The following XPO6 variants were observed in gnomAD, a reference collection of about 807,000 sequenced individuals.
The protein encoded by XPO6 is exportin-6.
In XPO6, 3 loss-of-function variants were observed where a neutral mutation model predicts 130.0. That is an observed-to-expected ratio of 0.02 (90% CI 0.01 to 0.06). The LOEUF (loss-of-function observed/expected upper bound fraction) is 0.06, where lower values mean the gene tolerates loss of function less well. Ranked by LOEUF, XPO6 falls within the 10% of genes least tolerant of loss-of-function variation. XPO6 has a pLI of 1.00. For missense variants in XPO6, 970 were observed against 1,393.0 expected, an observed-to-expected ratio of 0.70 and a Z score of 4.83; for synonymous variants, 524 against 548.9, an observed-to-expected ratio of 0.95 and a Z score of 0.63.
At chr16:28,166,688 T>C (rs2141845465) in intron 5 of XPO6, 103 bp from the exon 6 acceptor site, 5 of 1,519,522 alleles carry the variant, frequency 3.3e-6, no homozygotes, top group African/African-American at 1.4e-5. Flanking sequence ...ACATGAGTAC[T>C]TGAACATCCC....
Position 28,098,405 on chromosome 16 carries a change from G to A in XPO6, c.*133C>T. On this transcript the variant is annotated 3_prime_UTR_variant, in exon 24 of 24. Coordinates refer to ENST00000304658, the MANE Select transcript of XPO6 (RefSeq NM_015171.4). ...CGGCAAGATGTGGAGGAGCGGCAGA[G>A]GCAGGCAGCGTTGCTTGCGGTGGGA... 1 of 734,800 alleles carries A rather than the reference G, an allele frequency of 1.4e-6. No homozygotes were observed. The highest frequency in any genetic ancestry group is 2.2e-6 in the Non-Finnish European group (1 of 444,950). The allele number at this position is 734,800 out of a possible 1,614,324, so 45.5% of individuals were successfully genotyped here. A position where few individuals can be genotyped will look rare whatever the true frequency, so the allele number is the denominator to read the frequency against.
rs140243043 is a variant in XPO6, at chr16:28,149,913, A to G, written c.1224+2746T>C. Among the ~76,000 whole-genome samples, 49 of 152,372 alleles carry G rather than the reference A, an allele frequency of 3.2e-4. No individual in the cohort carries two copies. The East Asian group carries it at 8.7e-3, about 27-fold the overall frequency. On this transcript the variant is annotated intron_variant, in intron 8 of 23. Transcript: ENST00000304658. ...ACAGGTAATAAAGCTATGAGAGAGT[A>G]AGATCATACTTGTTAGTGAACAGAT...
At chr16:28,164,650 G>A (rs1331888069) in intron 6 of XPO6, among the ~76,000 whole-genome samples, 2 of 152,198 alleles carry the variant, frequency 1.3e-5, no homozygotes, top group African/African-American at 2.4e-5. Flanking sequence ...ACAAGCAAAT[G>A]TCAAGTTAGT....
In XPO6 at chr16:28,156,307, C is replaced by T; in HGVS notation, c.864G>A (p.Lys288=). 2 of 1,614,104 alleles carry T rather than the reference C, an allele frequency of 1.2e-6. No homozygotes were observed. Among genetic ancestry groups the T allele is most frequent in the Non-Finnish European group, 1.7e-6 (2 of 1,180,022 alleles). The change falls in exon 7 of 24, where the codon AAG becomes AAA. Residue 288 remains lysine, a synonymous_variant. Transcript: ENST00000304658. ...ARFGCDIRAR[K]MASVNGSSQN... is the part of the protein sequence containing the mutation. The stretch of plus-strand genomic sequence containing the variant: ...GGCTGCTGCCGTTAACTGACGCCAT[C>T]TTTCTGGCCCGGATGTCACAGCCAA...
chr16:28,128,938 C>T (rs2042614064), intron 12 of XPO6, among the ~76,000 whole-genome samples: 1 of 152,182 alleles, frequency 6.6e-6, no homozygotes, highest in Non-Finnish European at 1.5e-5. Context: ...CTGATCCCTC[C>T]CCTCTGAACT....
intron 8 of XPO6, among the ~76,000 whole-genome samples, chr16:28,149,045 A>G (rs1376171963): frequency 5.5e-5 from 8 of 145,288 alleles, no homozygotes; most frequent in Non-Finnish European, 1.2e-4. Context: ...TCTGTCTCCA[A>G]AAAAAAAGAA....
At chr16:28,175,826 T>C in intron 4 of XPO6, 72 bp downstream of exon 4, 1 of 1,437,270 alleles carries the variant, frequency 7.0e-7, no homozygotes, top group Non-Finnish European at 9.7e-7. Flanking sequence ...AAAGTCCTCT[T>C]CAGGACAAGG....
In XPO6 at chr16:28,211,817, G is replaced by A. The variant is rs2044138327; in HGVS notation, c.-449C>T. On this transcript the variant is annotated 5_prime_UTR_variant, in exon 1 of 24. Coordinates refer to ENST00000304658, the MANE Select transcript of XPO6 (RefSeq NM_015171.4). The stretch of plus-strand genomic sequence containing the variant: ...CGGCCCAGGCGGCCGGCTCAGGGGA[G>A]AGGCCCGGGGGCCCGCGCTGTCCTC... The A allele has an allele frequency of 8.9e-6, 2 of 225,534 alleles. No homozygotes were observed. The highest frequency in any genetic ancestry group is 3.6e-4 in the South Asian group (2 of 5,492). The allele number at this position is 225,534 out of a possible 1,614,324, so 14.0% of individuals were successfully genotyped here. A position where few individuals can be genotyped will look rare whatever the true frequency, so the allele number is the denominator to read the frequency against.
Position 28,175,937 on chromosome 16 carries a change from C to A in XPO6, c.366G>T (p.Trp122Cys). 1 of 1,614,134 alleles carries A rather than the reference C, an allele frequency of 6.2e-7. No individual in the cohort carries two copies. The highest frequency in any genetic ancestry group is 8.5e-7 in the Non-Finnish European group (1 of 1,180,014). The change falls in exon 4 of 24, where the codon TGG (tryptophan) becomes TGT (cysteine). Residue 122 changes from tryptophan (W) to cysteine (C), a missense_variant. Coordinates refer to ENST00000304658, the MANE Select transcript of XPO6 (RefSeq NM_015171.4). Reference sequence around the variant, plus strand: ...TAAAAAAGTCGTGGTAGAACATGGGCCAATCCTGACGTCCAATATCAACAA... The same window carrying A: ...TAAAAAAGTCGTGGTAGAACATGGGACAATCCTGACGTCCAATATCAACAA... ...KVIVDIGRQD[W>C]PMFYHDFFTN...
At chr16:28,151,109 C>A (rs2043078758) in intron 8 of XPO6, among the ~76,000 whole-genome samples, 1 of 142,952 alleles carries the variant, frequency 7.0e-6, no homozygotes, top group South Asian at 2.3e-4. Context: ...TGCTCCAAGT[C>A]ATATACACAA....
At chr16:28,136,283 A>T (rs187040952) in intron 9 of XPO6, among the ~76,000 whole-genome samples, 1 of 152,276 alleles carries the variant, frequency 6.6e-6, no homozygotes, top group East Asian at 1.9e-4. Context: ...GCAACGGCGC[A>T]ATCTTGGCTC....
chr16:28,111,539 T>C (rs1054501590), intron 17 of XPO6: 2 of 349,248 alleles, frequency 5.7e-6, no homozygotes, highest in African/African-American at 2.1e-5. Flanking sequence ...GAAGGCACCA[T>C]CACCAGTGTC....
chr16:28,107,814 T>G, intron 17 of XPO6, 137 bp from the exon 18 acceptor site: 14 of 937,674 alleles, frequency 1.5e-5, no homozygotes, highest in African/African-American at 3.3e-5. Flanking sequence ...GAACAGTCTC[T>G]TGATTACAAT....
At chr16:28,195,626 G>A (rs1423269629) in intron 1 of XPO6, among the ~76,000 whole-genome samples, 2 of 152,176 alleles carry the variant, frequency 1.3e-5, no homozygotes, top group Non-Finnish European at 1.5e-5. Flanking sequence ...GGTGGCGTGA[G>A]CCTGTAGTAC....
intron 4 of XPO6, among the ~76,000 whole-genome samples, chr16:28,173,738 G>A (rs73525043): frequency 0.016 from 2,370 of 152,282 alleles, 60 homozygotes; most frequent in African/African-American, 0.055. Flanking sequence ...GGTTGAAAGC[G>A]GGAGGTGGTG....
chr16:28,115,667 CT>C (rs1264518399), intron 15 of XPO6, among the ~76,000 whole-genome samples: 3 of 152,120 alleles, frequency 2.0e-5, no homozygotes, highest in Non-Finnish European at 4.4e-5. Context: ...CAGTTGCCCC[CT>C]GACAAGAGAG....
chr16:28,175,148 T>C (rs571284527), intron 4 of XPO6, among the ~76,000 whole-genome samples: 1 of 152,140 alleles, frequency 6.6e-6, no homozygotes, highest in African/African-American at 2.4e-5. Flanking sequence ...GATTCCTCCC[T>C]TCTCTCCCCT....
rs1382641033 is a variant in XPO6 at position 28,169,821 on chromosome 16, C to T, written c.494G>A (p.Ser165Asn). 1 of 1,614,082 alleles carries T rather than the reference C, an allele frequency of 6.2e-7. No individual in the cohort carries two copies. Among genetic ancestry groups the T allele is most frequent in the Non-Finnish European group, 8.5e-7 (1 of 1,180,030 alleles). ...EELACPREDL[S>N]VARKEELRKL... ...CCGCAACTCCTCCTTCCGAGCCACACTGAGGTCCTCACGGGGACAAGCCAG... is the reference window on the plus strand; with the variant it reads ...CCGCAACTCCTCCTTCCGAGCCACATTGAGGTCCTCACGGGGACAAGCCAG... Residue 165 changes from serine (S) to asparagine (N), a missense_variant, in exon 5 of 24, where the codon AGT (serine) becomes AAT (asparagine). Around this residue, in one of 4 missense-constraint regions of XPO6, gnomAD observed 936 missense variants for 1,306.8 expected, o/e 0.72. Transcript: ENST00000304658.
intron 17 of XPO6, among the ~76,000 whole-genome samples, chr16:28,108,058 G>C (rs1175615599): frequency 1.3e-5 from 2 of 152,086 alleles, no homozygotes; most frequent in African/African-American, 4.8e-5. Context: ...ATGGTGAATA[G>C]ACTGGTGAGA....
Sources: allele counts gnomAD v4.1 joint callset (sites outside exome capture counted in the v4.1 genomes callset), GRCh38; gene constraint gnomAD v4.1.1; regional missense constraint gnomAD v4.1.1; transcripts MANE v1.5; gene names NCBI Gene and HGNC (gene_info 2026-07-23, HGNC 2026-07-21).